Variants in VPS13A observed in about 807,000 individuals in gnomAD.
The protein encoded by VPS13A is intermembrane lipid transfer protein VPS13A.
VPS13A carries 264 observed loss-of-function variants against 390.9 expected under a neutral mutation model. That is an observed-to-expected ratio of 0.68 (90% CI 0.61 to 0.75). VPS13A has a LOEUF of 0.75. Ranked by LOEUF, VPS13A falls within the 30% of genes least tolerant of loss-of-function variation. The pLI, the probability that VPS13A is intolerant of heterozygous loss-of-function variation, is 0.00. For missense variants in VPS13A, 3,409 were observed against 3,733.9 expected (o/e 0.91, Z 2.27); for synonymous variants, 1,231 against 1,227.1 (o/e 1.00, Z -0.07).
intron 46 of VPS13A, among the ~76,000 whole-genome samples, chr9:77,332,766 T>C (rs1045165143): frequency 6.6e-6 from 1 of 152,178 alleles, no homozygotes; most frequent in Admixed American, 6.5e-5. Context: ...AGAATAAAAC[T>C]GTTCTCAGAA....
intron 23 of VPS13A, among the ~76,000 whole-genome samples, chr9:77,271,618 A>G (rs988738101): frequency 6.6e-6 from 1 of 152,150 alleles, no homozygotes; most frequent in Non-Finnish European, 1.5e-5. Context: ...GTAGACTACT[A>G]CTCAGGAAAA....
Position 77,314,739 on chromosome 9 carries a change from T to C in VPS13A, c.4412+75T>C. On this transcript the variant is annotated intron_variant, in intron 37 of 71. Coordinates refer to ENST00000360280, the MANE Select transcript of VPS13A (RefSeq NM_033305.3). ...TATTTTACAGAATTCATCTCCAGAA[T>C]TGCACGTTCATTTTCTGAGTGCATC... 9 of 1,464,778 alleles carry C rather than the reference T, an allele frequency of 6.1e-6. No homozygotes were observed. The South Asian group carries it at 8.1e-5, about 13-fold the overall frequency. 90.7% of individuals were successfully genotyped at this position (1,464,778 alleles called of 1,614,324 possible).
intron 13 of VPS13A, among the ~76,000 whole-genome samples, chr9:77,223,529 G>GGA (rs1823338158): frequency 6.6e-6 from 1 of 152,232 alleles, no homozygotes; most frequent in African/African-American, 2.4e-5. Context: ...TTACTGATGT[G>GGA]GAGAGTGTTC....
At chr9:77,398,510 G>T (rs1442374356) in intron 68 of VPS13A, among the ~76,000 whole-genome samples, 1 of 152,100 alleles carries the variant, frequency 6.6e-6, no homozygotes, top group Non-Finnish European at 1.5e-5. Flanking sequence ...GAGTTTTTCG[G>T]TTCCAAAATT....
chr9:77,281,432 C>G (rs760933960), intron 27 of VPS13A, among the ~76,000 whole-genome samples: 1 of 151,914 alleles, frequency 6.6e-6, no homozygotes, highest in African/African-American at 2.4e-5. Flanking sequence ...ATTTGTCAAT[C>G]AAAAATATTA....
intron 46 of VPS13A, 26 bp from the exon 47 acceptor site, chr9:77,337,229 A>G (rs1830586925): frequency 6.3e-7 from 1 of 1,599,284 alleles, no homozygotes; most frequent in African/African-American, 1.3e-5. Flanking sequence ...AAAACATTTT[A>G]AACTGTATCA....
intron 31 of VPS13A, among the ~76,000 whole-genome samples, chr9:77,284,831 G>A (rs1012741825): frequency 6.6e-6 from 1 of 151,938 alleles, no homozygotes; most frequent in African/African-American, 2.4e-5. Context: ...AGCCTCGTGA[G>A]TGGCTGGGAT....
At chr9:77,355,428 C>CTGCT (rs1415354399) in intron 54 of VPS13A, among the ~76,000 whole-genome samples, 1 of 152,200 alleles carries the variant, frequency 6.6e-6, no homozygotes, top group East Asian at 1.9e-4. Flanking sequence ...CTTCTCTCAA[C>CTGCT]TGCTTACATT....
intron 70 of VPS13A, among the ~76,000 whole-genome samples, chr9:77,407,149 T>C (rs755171432): frequency 1.3e-5 from 2 of 152,206 alleles, no homozygotes; most frequent in Non-Finnish European, 2.9e-5. Flanking sequence ...CATGTGCATA[T>C]ATTTTTAACC....
At chr9:77,385,260 G>A in intron 68 of VPS13A, 1 of 691,490 alleles carries the variant, frequency 1.4e-6, no homozygotes, top group South Asian at 6.6e-5. Flanking sequence ...AACAGTCATG[G>A]CCTCTCATGG....
intron 68 of VPS13A, among the ~76,000 whole-genome samples, chr9:77,400,335 A>C (rs138389808): frequency 7.0e-6 from 1 of 142,778 alleles, no homozygotes; most frequent in East Asian, 2.1e-4. Context: ...AGAATTGTCT[A>C]TATTTTGAAA....
At chr9:77,404,297 TCTTA>T (rs557923368) in intron 69 of VPS13A, among the ~76,000 whole-genome samples, 43 of 152,310 alleles carry the variant, frequency 2.8e-4, no homozygotes, top group African/African-American at 8.4e-4. Flanking sequence ...GATGAAATTC[TCTTA>T]TATATACCAT....
intron 31 of VPS13A, among the ~76,000 whole-genome samples, chr9:77,293,003 C>T (rs960174867): frequency 2.0e-5 from 3 of 152,024 alleles, no homozygotes; most frequent in South Asian, 2.1e-4. Flanking sequence ...TCAAGAAATA[C>T]ATGGTTACTC....
intron 5 of VPS13A, 46 bp from the exon 6 acceptor site, chr9:77,209,377 G>A (rs1825847008): frequency 7.6e-7 from 1 of 1,315,988 alleles, no homozygotes; most frequent in Non-Finnish European, 1.1e-6. Flanking sequence ...TATTTATAGA[G>A]TATATTTTTC....
chr9:77,345,292 A>T (rs1831088173), intron 52 of VPS13A, 150 bp downstream of exon 52: 3 of 865,362 alleles, frequency 3.5e-6, no homozygotes. Flanking sequence ...TACTTGAAGC[A>T]TGTAGGGGTA....
intron 62 of VPS13A, 85 bp from the exon 63 acceptor site, chr9:77,369,213 GA>G (rs1832609119): frequency 1.9e-6 from 2 of 1,032,414 alleles, no homozygotes; most frequent in African/African-American, 3.2e-5. Context: ...GTTGGCCTGA[GA>G]AAACTGGGCG....
chr9:77,225,720 ACTCT>A (rs1167289525), intron 13 of VPS13A, among the ~76,000 whole-genome samples: 1 of 152,110 alleles, frequency 6.6e-6, no homozygotes, highest in African/African-American at 2.4e-5. Flanking sequence ...TCAAAAAATT[ACTCT>A]CTAATTTACT....
chr9:77,330,356 CCT>C (rs1830219851), intron 45 of VPS13A, among the ~76,000 whole-genome samples: 1 of 152,106 alleles, frequency 6.6e-6, no homozygotes, highest in African/African-American at 2.4e-5. Flanking sequence ...TCCTCTGCTC[CCT>C]TAGACTTTTC....
At chr9:77,200,713 A>G (rs949656918) in intron 2 of VPS13A, among the ~76,000 whole-genome samples, 20 of 152,050 alleles carry the variant, frequency 1.3e-4, no homozygotes. Flanking sequence ...TCTGATAAAG[A>G]CTAGTTCATT....
Sources: gnomAD v4.1 joint callset for allele counts (sites outside exome capture counted in the v4.1 genomes callset) on GRCh38, gnomAD v4.1.1 for gene constraint, MANE v1.5 for transcripts, NCBI Gene and HGNC (gene_info 2026-07-23, HGNC 2026-07-21) for gene names.